Variants in RNF32 observed in about 807,000 individuals in gnomAD.
The protein encoded by RNF32 is ring finger protein 32.
A neutral mutation model predicts 41.0 loss-of-function variants in RNF32; 36 were observed. The ratio of observed to expected loss-of-function variants is 0.88; its 90% confidence interval spans 0.67 to 1.16. The LOEUF (loss-of-function observed/expected upper bound fraction) is 1.16, where lower values mean the gene tolerates loss of function less well. Among genes scored for constraint, RNF32 ranks in the 50% most tolerant of loss-of-function variants. The pLI, the probability that RNF32 is intolerant of heterozygous loss-of-function variation, is 0.00. For synonymous variants in RNF32, 154 were observed against 160.9 expected (o/e 0.96, Z 0.32); for missense variants, 413 against 436.7 (o/e 0.95, Z 0.48).
At chr7:156,672,997 G>A (rs994600804) in intron 7 of RNF32, among the ~76,000 whole-genome samples, 4 of 152,218 alleles carry the variant, frequency 2.6e-5, no homozygotes, top group South Asian at 4.1e-4. Flanking sequence ...CGGCAGGCCC[G>A]GGGCAAAGCC....
intron 6 of RNF32, 40 bp from the exon 7 acceptor site, chr7:156,658,422 G>A: frequency 1.3e-6 from 2 of 1,550,082 alleles, no homozygotes. Context: ...TTGACATAGA[G>A]TCATCATAAA....
chr7:156,653,707 G>A (rs1799116940), intron 3 of RNF32, among the ~76,000 whole-genome samples: 1 of 152,226 alleles, frequency 6.6e-6, no homozygotes, highest in Non-Finnish European at 1.5e-5. Context: ...CTTTTTCAAA[G>A]TGAGTGTTTC....
chr7:156,642,750 C>G (rs374752061), intron 1 of RNF32, among the ~76,000 whole-genome samples: 69 of 152,306 alleles, frequency 4.5e-4, no homozygotes, highest in African/African-American at 1.5e-3. Flanking sequence ...CCCCAGTGAG[C>G]CTCACGTGCA....
intron 3 of RNF32, chr7:156,646,441 CTCT>C (rs1183311382): frequency 2.0e-5 from 26 of 1,303,794 alleles, no homozygotes; most frequent in Non-Finnish European, 2.4e-5. Flanking sequence ...TCTCCCTTTC[CTCT>C]TCTTATAAGG....
At chr7:156,649,405 CT>C (rs1798411568) in intron 3 of RNF32, among the ~76,000 whole-genome samples, 1 of 151,658 alleles carries the variant, frequency 6.6e-6, no homozygotes, top group African/African-American at 2.4e-5. Context: ...TTTTTTTTCC[CT>C]GCTTTTTTTT....
At chr7:156,648,679 T>G (rs1798303192) in intron 3 of RNF32, among the ~76,000 whole-genome samples, 1 of 152,234 alleles carries the variant, frequency 6.6e-6, no homozygotes, top group Admixed American at 6.5e-5. Flanking sequence ...ATACATAATA[T>G]TCCACTTGGA....
intron 7 of RNF32, chr7:156,660,132 T>A: frequency 1.0e-6 from 1 of 985,806 alleles, no homozygotes; most frequent in African/African-American, 1.7e-5. Flanking sequence ...AACGCCCCGC[T>A]CTGATCCCCG....
chr7:156,659,112 TC>T, intron 7 of RNF32: 12 of 1,350,086 alleles, frequency 8.9e-6, no homozygotes, highest in Non-Finnish European at 1.1e-5. Flanking sequence ...TTTAACAATT[TC>T]CCATTCCTTG....
At chr7:156,646,514 C>G (rs574128518) in intron 3 of RNF32, 1 of 1,293,978 alleles carries the variant, frequency 7.7e-7, no homozygotes. Context: ...TTAACTACAT[C>G]TGCAAAGACC....
chr7:156,657,864 C>T (rs192676222), intron 5 of RNF32, among the ~76,000 whole-genome samples: 2 of 152,194 alleles, frequency 1.3e-5, no homozygotes, highest in African/African-American at 2.4e-5. Context: ...CCCATACACA[C>T]GCGTGACTCA....
chr7:156,671,370 T>C (rs1012045003), intron 7 of RNF32, among the ~76,000 whole-genome samples: 1 of 152,182 alleles, frequency 6.6e-6, no homozygotes, highest in African/African-American at 2.4e-5. Flanking sequence ...TACTATAATA[T>C]ACACATAAGC....
intron 7 of RNF32, among the ~76,000 whole-genome samples, chr7:156,666,026 T>C (rs1164245809): frequency 1.3e-5 from 2 of 152,226 alleles, no homozygotes; most frequent in African/African-American, 2.4e-5. Context: ...TGAAAACTTG[T>C]TTGCTATACT....
intron 3 of RNF32, chr7:156,646,608 A>T: frequency 1.3e-6 from 1 of 778,102 alleles, no homozygotes; most frequent in Non-Finnish European, 1.8e-6. Context: ...TACATCAAGT[A>T]TGTCCCTGAT....
rs539583603 is a variant in RNF32 at position 156,658,204 on chromosome 7, G to A, written c.527G>A (p.Arg176Gln). Reference protein sequence around the residue: ...PLCRKNQYQTRVIHDGARLFR... With the variant: ...PLCRKNQYQTQVIHDGARLFR... ...TGTAGAAAGAACCAGTATCAAACCC[G>A]AGTGATACACGATGGGGCCCGCCTG... is the stretch of plus-strand genomic sequence containing the variant. The change falls in exon 6 of 9, where the codon CGA becomes CAA. Residue 176 changes from arginine to glutamine, a missense_variant. By Grantham distance (43) the Arg-to-Gln change is conservative. Transcript: ENST00000317955. The A allele has an allele frequency of 8.7e-6, 14 of 1,614,200 alleles. No homozygotes were observed. The highest frequency in any genetic ancestry group is 1.1e-5 in the South Asian group (1 of 91,084).
At chr7:156,664,930 GCTTTC>G (rs1315457995) in intron 7 of RNF32, among the ~76,000 whole-genome samples, 3 of 152,018 alleles carry the variant, frequency 2.0e-5, no homozygotes, top group Admixed American at 6.6e-5. Flanking sequence ...AAATTGAACT[GCTTTC>G]CTTTAAGTAC....
At position 156,669,651 on chromosome 7, in the gene RNF32, T is replaced by G. The variant is rs577809024; in HGVS notation, c.685-6045T>G. The stretch of plus-strand genomic sequence containing the variant: ...CCACAGCCACGTGAACACTGGAAAC[T>G]GCCCTCAGAGCCCCGGGGATGCGAG... On this transcript the variant is annotated intron_variant, in intron 7 of 8. Coordinates refer to ENST00000317955, the MANE Select transcript of RNF32 (RefSeq NM_030936.4). This position sits in a 1 kb window ranked among gnomAD's most constrained non-coding sequence, Gnocchi z 4.2. Among the ~76,000 whole-genome samples, 1 of 152,186 alleles carries G rather than the reference T, an allele frequency of 6.6e-6. No homozygotes were observed. The highest frequency in any genetic ancestry group is 1.5e-5 in the Non-Finnish European group (1 of 68,012).
At chr7:156,675,146 G>A (rs1309103838) in intron 7 of RNF32, among the ~76,000 whole-genome samples, 1 of 152,230 alleles carries the variant, frequency 6.6e-6, no homozygotes, top group Non-Finnish European at 1.5e-5. Context: ...ACCCGAAGGG[G>A]CAGCGGAGAC....
At chr7:156,650,393 C>T (rs1445531772) in intron 3 of RNF32, among the ~76,000 whole-genome samples, 1 of 152,226 alleles carries the variant, frequency 6.6e-6, no homozygotes, top group South Asian at 2.1e-4. Context: ...ACTTCCACGA[C>T]ATGCTTAGAT....
At chr7:156,654,439 G>A (rs1392077439) in intron 3 of RNF32, 137 bp from the exon 4 acceptor site, 1 of 687,406 alleles carries the variant, frequency 1.5e-6, no homozygotes, top group African/African-American at 1.8e-5. Context: ...CCAATGGACA[G>A]CTTCTATTGT....
Sources: gnomAD v4.1 joint callset for allele counts (sites outside exome capture counted in the v4.1 genomes callset) on GRCh38, gnomAD v4.1.1 for gene constraint, Gnocchi (gnomAD v3.1) non-coding constraint, MANE v1.5 for transcripts, NCBI Gene and HGNC (gene_info 2026-07-23, HGNC 2026-07-21) for gene names.